RCC1: variants seen among roughly 807,000 people sequenced by gnomAD.
RCC1 encodes regulator of chromosome condensation 1.
Under a neutral mutation model 44.4 loss-of-function variants are expected in RCC1, and 11 were observed. The ratio of observed to expected loss-of-function variants is 0.25; its 90% CI spans 0.16 to 0.41. RCC1 has a LOEUF of 0.41. Among genes scored for constraint, RCC1 ranks in the 10% least tolerant of loss-of-function variants. The pLI is 1.00. For synonymous variants in RCC1, 213 were observed against 216.5 expected (o/e 0.98, Z 0.14); for missense variants, 386 against 547.1 (o/e 0.71, Z 2.94).
At chr1:28,522,559 G>C (rs924088558) in intron 4 of RCC1, among the ~76,000 whole-genome samples, 1 of 151,988 alleles carries the variant, frequency 6.6e-6, no homozygotes, top group Non-Finnish European at 1.5e-5. Context: ...TATAATCCCA[G>C]TACTTTGGGA....
intron 4 of RCC1, among the ~76,000 whole-genome samples, chr1:28,522,398 G>C (rs1471681227): frequency 1.3e-5 from 2 of 152,106 alleles, no homozygotes; most frequent in Non-Finnish European, 2.9e-5. Context: ...GTCAGTACCC[G>C]ATGTTGGAGA....
At chr1:28,526,503 G>A (rs1663672975) in intron 4 of RCC1, 2 of 579,812 alleles carry the variant, frequency 3.4e-6, no homozygotes, top group African/African-American at 1.9e-5. Flanking sequence ...GCTAAAGTGG[G>A]AATCCACTGA....
intron 5 of RCC1, among the ~76,000 whole-genome samples, chr1:28,531,276 T>TTTG (rs1664155622): frequency 6.7e-6 from 1 of 148,900 alleles, no homozygotes; most frequent in Non-Finnish European, 1.5e-5. Context: ...TTTTTTTTTT[T>TTTG]TTTTTTGAGA....
chr1:28,536,853 C>A lies in RCC1; in HGVS notation c.1044C>A (p.Ser348=). The A allele has an allele frequency of 1.9e-6, 3 of 1,614,166 alleles. No individual in the cohort carries two copies. In the South Asian group the frequency reaches 3.3e-5, roughly 18 times the overall value. ...TCATCTCCAGGCTGCCTGCTGTCTC[C>A]TCGGTGGCTTGTGGGGCCTCTGTGG... ...PTLISRLPAV[S]SVACGASVGY... The change falls in exon 12 of 13, where the codon TCC becomes TCA. Residue 348 remains serine (S), a synonymous_variant. Transcript: ENST00000683442. This position sits in a 1 kb window ranked among gnomAD's most constrained non-coding sequence, Gnocchi z 4.9.
Position 28,529,904 on chromosome 1 carries a change from C to CCA in RCC1, c.38_39insCA (p.Ala14LysfsTer11). 1 of 1,614,066 alleles carries CCA rather than the reference C, an allele frequency of 6.2e-7. No individual in the cohort carries two copies. Among genetic ancestry groups the CCA allele is most frequent in the Non-Finnish European group, 8.5e-7 (1 of 1,180,006 alleles). On this transcript the variant is annotated frameshift_variant, in exon 5 of 13. Coordinates refer to ENST00000683442, the MANE Select transcript of RCC1 (RefSeq NM_001381865.2). LOFTEE classifies it high-confidence loss of function. Reference sequence around the variant, plus strand: ...CGCATAGCTAAAAGAAGGTCCCCCCCAGCAGATGCCATCCCCAAAAGCAAG... The same window carrying CCA: ...CGCATAGCTAAAAGAAGGTCCCCCCCCAAGCAGATGCCATCCCCAAAAGCAAG...
chr1:28,530,491 A>G, intron 5 of RCC1: 1 of 1,576,200 alleles, frequency 6.3e-7, no homozygotes, highest in Non-Finnish European at 8.6e-7. Flanking sequence ...GGAAGTGTGG[A>G]CCCACGCTCA....
chr1:28,510,402 G>C (rs1662436967), intron 3 of RCC1: 2 of 152,260 alleles, frequency 1.3e-5, no homozygotes, highest in South Asian at 4.1e-4. Flanking sequence ...CTTAGGCTAA[G>C]GCAGGCGGAT....
At chr1:28,531,004 T>C (rs983918490) in intron 5 of RCC1, among the ~76,000 whole-genome samples, 1 of 152,122 alleles carries the variant, frequency 6.6e-6, no homozygotes, top group Non-Finnish European at 1.5e-5. Flanking sequence ...CGGGGCAAGG[T>C]GGCTCACGCC....
chr1:28,524,683 C>T (rs1032319293), intron 4 of RCC1, among the ~76,000 whole-genome samples: 4 of 152,048 alleles, frequency 2.6e-5, no homozygotes, highest in African/African-American at 7.2e-5. Flanking sequence ...CATGGCAAGA[C>T]GTTGTTTCTG....
At position 28,538,162 on chromosome 1, in the gene RCC1, T is replaced by C. The variant is rs1449865343; in HGVS notation, c.*155T>C. 21 of 577,302 alleles carry C rather than the reference T, an allele frequency of 3.6e-5. No individual in the cohort carries two copies. The highest frequency in any genetic ancestry group is 5.7e-5 in the Non-Finnish European group (20 of 351,740). 35.8% of individuals were successfully genotyped at this position (577,302 alleles called of 1,614,324 possible). ...TCAGCAGAACAGAATCCTTTTCCTC[T>C]TTTCCTTCCTCCTCTTTGGAATTTT... On this transcript the variant is annotated 3_prime_UTR_variant, in exon 13 of 13. Coordinates refer to ENST00000683442, the MANE Select transcript of RCC1 (RefSeq NM_001381865.2).
In RCC1 at chr1:28,508,582, C is replaced by A. The variant is rs772204020; in HGVS notation, c.-228-248C>A. On this transcript the variant is annotated intron_variant, in intron 2 of 12. Coordinates refer to ENST00000683442, the MANE Select transcript of RCC1 (RefSeq NM_001381865.2). ...TTCCAACGTGGATACCCTGGGAGGT[C>A]ACTCTCCCCAGGCTCTGTCCAAGTG... The A allele has an allele frequency of 5.8e-6, 3 of 518,636 alleles. No individual in the cohort carries two copies. In the Admixed American group the frequency reaches 5.8e-5, roughly 10 times the overall value. The allele number at this position is 518,636 out of a possible 1,614,324, so 32.1% of individuals were successfully genotyped here.
At chr1:28,512,561 T>G (rs767934919) in intron 3 of RCC1, among the ~76,000 whole-genome samples, 2 of 152,192 alleles carry the variant, frequency 1.3e-5, no homozygotes, top group Non-Finnish European at 2.9e-5. Flanking sequence ...TGCTCATCTA[T>G]TCCTAGTTTC....
At chr1:28,507,755 C>A (rs754631247) in intron 1 of RCC1, 1 of 337,206 alleles carries the variant, frequency 3.0e-6, no homozygotes, top group Non-Finnish European at 5.9e-6. Flanking sequence ...TACAGGCCCC[C>A]GCCACCACGC....
At chr1:28,521,499 C>CA (rs1419032083) in intron 4 of RCC1, among the ~76,000 whole-genome samples, 2,191 of 117,144 alleles carry the variant, frequency 0.019, 96 homozygotes, top group African/African-American at 0.069. Flanking sequence ...GACTCCACCT[C>CA]AGAAAAAAAA....
intron 4 of RCC1, chr1:28,518,623 C>CGCG (rs1232342057): frequency 6.6e-6 from 1 of 150,940 alleles, no homozygotes; most frequent in African/African-American, 2.4e-5. Context: ...ACTGCGCGAG[C>CGCG]GCGGCGGGCC....
At chr1:28,534,763 A>G (rs1345552617) in intron 7 of RCC1, among the ~76,000 whole-genome samples, 1 of 152,228 alleles carries the variant, frequency 6.6e-6, no homozygotes, top group African/African-American at 2.4e-5. Context: ...ATGAATTACC[A>G]TGCCTGGCCC....
chr1:28,515,160 C>G (rs554257189), intron 3 of RCC1, among the ~76,000 whole-genome samples: 1 of 151,942 alleles, frequency 6.6e-6, no homozygotes, highest in Admixed American at 6.6e-5. Flanking sequence ...CGTGGTGGTG[C>G]ACGCCTGTAA....
At chr1:28,512,693 C>T (rs944180170) in intron 3 of RCC1, among the ~76,000 whole-genome samples, 3 of 152,048 alleles carry the variant, frequency 2.0e-5, no homozygotes, top group African/African-American at 7.2e-5. Context: ...GTTTTGTTTT[C>T]ATTTTAATTC....
rs1049091656 is a variant in RCC1, at chr1:28,538,297, G to C, written c.*290G>C. On this transcript the variant is annotated 3_prime_UTR_variant, in exon 13 of 13. Coordinates refer to ENST00000683442, the MANE Select transcript of RCC1 (RefSeq NM_001381865.2). ...TTCTCCCCTTTTCCCTACCTTCCAT[G>C]GTCCTGGTTGGCCCTGGCTTTGCCT... The C allele has an allele frequency of 4.5e-6, 1 of 220,872 alleles. No homozygotes were observed. The highest frequency in any genetic ancestry group is 1.2e-4 in the South Asian group (1 of 8,088). The allele number at this position is 220,872 out of a possible 1,614,324, so 13.7% of individuals were successfully genotyped here.
Sources: allele counts gnomAD v4.1 joint callset (sites outside exome capture counted in the v4.1 genomes callset), GRCh38; gene constraint gnomAD v4.1.1; non-coding constraint Gnocchi (gnomAD v3.1); transcripts MANE v1.5; gene names NCBI Gene and HGNC (gene_info 2026-07-23, HGNC 2026-07-21).